KRT17: variants seen among roughly 807,000 people sequenced by gnomAD.
The protein encoded by KRT17 is keratin, type I cytoskeletal 17.
A neutral mutation model predicts 45.6 loss-of-function variants in KRT17; 29 were observed. The ratio of observed to expected loss-of-function variants is 0.64; its 90% CI spans 0.47 to 0.87. The LOEUF (loss-of-function observed/expected upper bound fraction) is 0.87. Ranked by LOEUF, KRT17 falls within the 40% of genes least tolerant of loss-of-function variation. The probability of loss-of-function intolerance (pLI) is 0.00; values close to 1 mark genes in which losing one functional copy is unlikely to be tolerated. For missense variants in KRT17, 536 were observed against 577.8 expected (o/e 0.93, Z 0.74); for synonymous variants, 219 against 234.6 (o/e 0.93, Z 0.61).
chr17:41,619,971 A>T (rs1275514904), intron 7 of KRT17: 1 of 984,970 alleles, frequency 1.0e-6, no homozygotes, highest in South Asian at 4.7e-5. Context: ...AGCCATGTAG[A>T]CTCCATGAAA....
intron 6 of KRT17, 48 bp downstream of exon 6, chr17:41,620,611 A>G: frequency 6.2e-7 from 1 of 1,608,066 alleles, no homozygotes; most frequent in Non-Finnish European, 8.5e-7. Context: ...TGAGAGCCCC[A>G]CCCCTGCCAA....
At chr17:41,621,787 T>C in intron 3 of KRT17, 33 bp from the exon 4 acceptor site, 4 of 1,611,620 alleles carry the variant, frequency 2.5e-6, no homozygotes, top group Admixed American at 3.3e-5. Flanking sequence ...TGTGCGCATC[T>C]GGACCCATCC....
chr17:41,623,163 T>A (rs1908605160), intron 1 of KRT17, 131 bp from the exon 2 acceptor site: 6 of 737,998 alleles, frequency 8.1e-6, no homozygotes, highest in Non-Finnish European at 1.5e-5. Context: ...GCTGTATTAT[T>A]GGCAGAGGAG....
At chr17:41,623,981 T>C (rs998543994) in intron 1 of KRT17, 97 bp downstream of exon 1, 9 of 1,571,968 alleles carry the variant, frequency 5.7e-6, no homozygotes, top group Middle Eastern at 2.3e-4. Flanking sequence ...CTTGGCTCCC[T>C]GAGACCCTAT....
chr17:41,620,291 C>A, intron 7 of KRT17: 2 of 985,398 alleles, frequency 2.0e-6, no homozygotes, highest in Non-Finnish European at 2.4e-6. Context: ...GACCTGTCTC[C>A]TCCATCAGAC....
chr17:41,624,402 A>G lies in KRT17; in HGVS notation c.108T>C (p.Gly36=). ...RTSCRLSGGL[G]AGSCRLGSAG... ...CAGATCCCAGCCTGCAGGAGCCGGC[A>G]CCCAGGCCGCCAGACAGCCGGCAGG... is the stretch of plus-strand genomic sequence containing the variant. The change falls in exon 1 of 8, where the codon GGT becomes GGC. Residue 36 remains glycine (G), a synonymous_variant. Coordinates refer to ENST00000311208, the MANE Select transcript of KRT17 (RefSeq NM_000422.3). 3.1e-6 allele frequency: 5 copies of G among 1,610,250 alleles called. No individual in the cohort carries two copies. Among genetic ancestry groups the G allele is most frequent in the Non-Finnish European group, 4.2e-6 (5 of 1,179,478 alleles).
rs1908551637 is a variant in KRT17 at position 41,621,755 on chromosome 17, C to T, written c.673-1G>A. 1.2e-6 allele frequency: 2 copies of T among 1,612,026 alleles called. No individual in the cohort carries two copies. The highest frequency in any genetic ancestry group is 1.3e-5 in the African/African-American group (1 of 74,958). ...CCTGGCCTCGCAGGGCGTTCATCTCCTATGGAAAAAGGGGATGTGGATGTG... is the reference window on the plus strand; with the variant it reads ...CCTGGCCTCGCAGGGCGTTCATCTCTTATGGAAAAAGGGGATGTGGATGTG... On this transcript the variant is annotated splice_acceptor_variant, in intron 3 of 7. Transcript: ENST00000311208. LOFTEE classifies it high-confidence loss of function.
In KRT17 at chr17:41,619,546, G is replaced by A; in HGVS notation, c.*48C>T. 2 of 1,611,570 alleles carry A rather than the reference G, an allele frequency of 1.2e-6. No individual in the cohort carries two copies. Among genetic ancestry groups the A allele is most frequent in the African/African-American group, 1.3e-5 (1 of 74,980 alleles). On this transcript the variant is annotated 3_prime_UTR_variant, in exon 8 of 8. Coordinates refer to ENST00000311208, the MANE Select transcript of KRT17 (RefSeq NM_000422.3). ...GGCCGGAGACTGTGGGGCAGATGGG[G>A]CGGCTGCCTCCCTGCCTCCTGGGTG... is the stretch of plus-strand genomic sequence containing the variant.
In KRT17 at chr17:41,621,757, A is replaced by C. The variant is rs373347623; in HGVS notation, c.673-3T>G. On this transcript the variant is annotated splice_polypyrimidine_tract_variant and splice_region_variant and intron_variant, in intron 3 of 7. Coordinates refer to ENST00000311208, the MANE Select transcript of KRT17 (RefSeq NM_000422.3). ...TGGCCTCGCAGGGCGTTCATCTCCTATGGAAAAAGGGGATGTGGATGTGCG... is the reference window on the plus strand; with the variant it reads ...TGGCCTCGCAGGGCGTTCATCTCCTCTGGAAAAAGGGGATGTGGATGTGCG... The C allele has an allele frequency of 6.2e-7, 1 of 1,611,940 alleles. No homozygotes were observed. The highest frequency in any genetic ancestry group is 2.2e-5 in the East Asian group (1 of 44,866).
chr17:41,620,285 T>C, intron 7 of KRT17: 1 of 985,378 alleles, frequency 1.0e-6, no homozygotes, highest in Non-Finnish European at 1.2e-6. Context: ...AGCTGGGACC[T>C]GTCTCCTCCA....
rs1393829898 is a variant in KRT17, at chr17:41,620,750, T to G, written c.1090A>C (p.Asn364His). 2.5e-6 allele frequency: 4 copies of G among 1,612,370 alleles called. No homozygotes were observed. The African/African-American group carries it at 5.3e-5, about 22-fold the overall frequency. Residue 364 changes from asparagine (N) to histidine (H), a missense_variant, in exon 6 of 8, where the codon AAC becomes CAC. Transcript: ENST00000311208. The stretch of plus-strand genomic sequence containing the variant: ...TCCAGCAGGATTTTGTATTCCTGGT[T>G]CTGCTGCTCCATCTCGCAGCGAAGC... ...AQLRCEMEQQ[N>H]QEYKILLDVK...
intron 4 of KRT17, 104 bp downstream of exon 4, chr17:41,621,489 G>A: frequency 1.4e-6 from 2 of 1,401,272 alleles, no homozygotes; most frequent in Non-Finnish European, 2.0e-6. Flanking sequence ...GCAGCTTACT[G>A]AGGAGGGGCA....
chr17:41,623,702 C>T (rs1908625380), intron 1 of KRT17, among the ~76,000 whole-genome samples: 1 of 152,062 alleles, frequency 6.6e-6, no homozygotes, highest in Non-Finnish European at 1.5e-5. Context: ...CCACATCACC[C>T]AAAACCCCCT....
chr17:41,620,523 C>G lies in KRT17; in HGVS notation c.1204+13G>C. 5 of 1,611,642 alleles carry G rather than the reference C, an allele frequency of 3.1e-6. No individual in the cohort carries two copies. In the East Asian group the frequency reaches 1.1e-4, roughly 36 times the overall value. ...CACCCAACCCCCAGGGCCGAAGCCA[C>G]GCAGATACTTACGTTCTTTCTTGTA... On this transcript the variant is annotated intron_variant, in intron 7 of 7. Transcript: ENST00000311208.
chr17:41,623,651 T>C (rs1405117359), intron 1 of KRT17, among the ~76,000 whole-genome samples: 1 of 150,278 alleles, frequency 6.7e-6, no homozygotes, highest in African/African-American at 2.5e-5. Flanking sequence ...TGCCTCCTCC[T>C]GCAGCAGGTG....
Position 41,619,603 on chromosome 17 carries a change from G to T in KRT17, c.1290C>A (p.Thr430=). 1 of 1,612,192 alleles carries T rather than the reference G, an allele frequency of 6.2e-7. No individual in the cohort carries two copies. The highest frequency in any genetic ancestry group is 8.5e-7 in the Non-Finnish European group (1 of 1,180,010). The change falls in exon 8 of 8, where the codon ACC becomes ACA. Residue 430 remains threonine, a synonymous_variant. Coordinates refer to ENST00000311208, the MANE Select transcript of KRT17 (RefSeq NM_000422.3). ...CGGGGTAGCTGAGTCCTCAGCGGGT[G>T]GTCTGGTGGACCTGCTCGCGGGAGG... ...VISSREQVHQ[T]TR
chr17:41,620,766 G>C lies in KRT17; in HGVS notation c.1074C>G (p.Cys358Trp). 1 of 1,612,688 alleles carries C rather than the reference G, an allele frequency of 6.2e-7. No individual in the cohort carries two copies. The highest frequency in any genetic ancestry group is 2.2e-5 in the East Asian group (1 of 44,884). ...SVEEQLAQLR[C>W]EMEQQNQEYK... The stretch of plus-strand genomic sequence containing the variant: ...ATTCCTGGTTCTGCTGCTCCATCTC[G>C]CAGCGAAGCTGGGCCAGCTGCTCCT... The change falls in exon 6 of 8, where the codon TGC becomes TGG. Residue 358 changes from cysteine (C) to tryptophan (W), a missense_variant. Transcript: ENST00000311208.
intron 2 of KRT17, 44 bp from the exon 3 acceptor site, chr17:41,622,555 G>T (rs1908578964): frequency 6.2e-7 from 1 of 1,609,176 alleles, no homozygotes; most frequent in Non-Finnish European, 8.5e-7. Flanking sequence ...GCTTGGACCT[G>T]CAGATCCAGG....
chr17:41,622,760 T>A, intron 2 of KRT17, 190 bp downstream of exon 2: 1 of 710,004 alleles, frequency 1.4e-6, no homozygotes. Context: ...ATTCCCTGCC[T>A]AAGCTCAGCA....
Sources: gnomAD v4.1 joint callset for allele counts (sites outside exome capture counted in the v4.1 genomes callset) on GRCh38, gnomAD v4.1.1 for gene constraint, MANE v1.5 for transcripts, NCBI Gene and HGNC (gene_info 2026-07-23, HGNC 2026-07-21) for gene names.